Variants in HEBP2 observed in about 807,000 individuals in gnomAD.
HEBP2 encodes the protein heme-binding protein 2.
A neutral mutation model predicts 23.1 loss-of-function variants in HEBP2; 27 were observed. The observed-to-expected ratio is 1.17, with a 90% confidence interval of 0.86 to 1.61. The LOEUF is 1.61. Ranked by LOEUF, HEBP2 falls within the 40% of genes most tolerant of loss-of-function variation. The pLI is 0.00. For synonymous variants in HEBP2, 99 were observed against 95.1 expected, an observed-to-expected ratio of 1.04 and a Z score of -0.24; for missense variants, 245 against 253.8, an observed-to-expected ratio of 0.97 and a Z score of 0.24.
At position 138,416,675 on chromosome 6, in the gene HEBP2, T is replaced by C. The variant is rs1258533961; in HGVS notation, c.*3597T>C. ...ATCCTGTTAACCACTAAGCTCCAAA[T>C]GGCAGCCGAGGGGTCCTGACCTGTA... On this transcript the variant is annotated 3_prime_UTR_variant, in exon 4 of 4. Transcript: ENST00000607197. 1 of 152,194 alleles carries C rather than the reference T, an allele frequency of 6.6e-6. No homozygotes were observed. Among genetic ancestry groups the C allele is most frequent in the Non-Finnish European group, 1.5e-5 (1 of 68,070 alleles). 9.4% of individuals were successfully genotyped at this position (152,194 alleles called of 1,614,324 possible).
intron 3 of HEBP2, among the ~76,000 whole-genome samples, chr6:138,407,271 G>T (rs1163151013): frequency 6.6e-6 from 1 of 152,192 alleles, no homozygotes; most frequent in Non-Finnish European, 1.5e-5. Context: ...CTATGAACCT[G>T]TGAAATCAAA....
rs1774616147 is a variant in HEBP2, at chr6:138,405,035, C to T, written c.103-110C>T. 8.2e-6 allele frequency: 10 copies of T among 1,212,816 alleles called. No individual in the cohort carries two copies. In the South Asian group the frequency reaches 1.4e-4, roughly 17 times the overall value. The allele number at this position is 1,212,816 out of a possible 1,614,324, so 75.1% of individuals were successfully genotyped here. On this transcript the variant is annotated intron_variant, in intron 1 of 3. Coordinates refer to ENST00000607197, the MANE Select transcript of HEBP2 (RefSeq NM_014320.3). The stretch of plus-strand genomic sequence containing the variant: ...AGGCCGGACCCCGGGGCGGTGCAGC[C>T]CCTAGACAGGACGGCTCCAGGTCGA...
rs761547240 is a variant in HEBP2 at position 138,415,505 on chromosome 6, G to A, written c.*2427G>A. On this transcript the variant is annotated 3_prime_UTR_variant, in exon 4 of 4. Coordinates refer to ENST00000607197, the MANE Select transcript of HEBP2 (RefSeq NM_014320.3). ...GTGGATAAAAGAGACAAGGACAGTG[G>A]GCTTCCATGGTTATTGCTGAGTTGG... is the stretch of plus-strand genomic sequence containing the variant. 2.6e-5 allele frequency: 4 copies of A among 152,184 alleles called. No homozygotes were observed. The highest frequency in any genetic ancestry group is 4.4e-5 in the Non-Finnish European group (3 of 68,038). 9.4% of individuals were successfully genotyped at this position (152,184 alleles called of 1,614,324 possible). A position where few individuals can be genotyped will look rare whatever the true frequency, so the allele number is the denominator to read the frequency against.
In HEBP2 at chr6:138,420,567, A is replaced by G. The variant is rs1774906340; in HGVS notation, c.*7489A>G. On this transcript the variant is annotated 3_prime_UTR_variant, in exon 4 of 4. Coordinates refer to ENST00000607197, the MANE Select transcript of HEBP2 (RefSeq NM_014320.3). The stretch of plus-strand genomic sequence containing the variant: ...TTAGCTTTCAAGCTGAGGTCACGCT[A>G]TTCTCAAGACAGGAGGGGTTGGTGG... 2.0e-5 allele frequency: 3 copies of G among 152,304 alleles called. No homozygotes were observed. The highest frequency in any genetic ancestry group is 1.9e-4 in the East Asian group (1 of 5,180). 9.4% of individuals were successfully genotyped at this position (152,304 alleles called of 1,614,324 possible).
rs2114775185 is a variant in HEBP2, at chr6:138,413,851, A to G, written c.*773A>G. 1 of 140,164 alleles carries G rather than the reference A, an allele frequency of 7.1e-6. No individual in the cohort carries two copies. Among genetic ancestry groups the G allele is most frequent in the East Asian group, 1.9e-4 (1 of 5,178 alleles). The allele number at this position is 140,164 out of a possible 1,614,324, so 8.7% of individuals were successfully genotyped here. On this transcript the variant is annotated 3_prime_UTR_variant, in exon 4 of 4. Coordinates refer to ENST00000607197, the MANE Select transcript of HEBP2 (RefSeq NM_014320.3). ...ACTGACTTCCTCTTCACTAACTCCA[A>G]CAACATCTTTCCACCTCCTTAACTA... is the stretch of plus-strand genomic sequence containing the variant.
chr6:138,403,664 C>G (rs1023972328), upstream of HEBP2: 2 of 425,916 alleles, frequency 4.7e-6, no homozygotes, highest in Non-Finnish European at 8.4e-6. Context: ...TGCTGGGGAA[C>G]AGAGCCGCAC....
intron 3 of HEBP2, among the ~76,000 whole-genome samples, chr6:138,407,406 A>G (rs73570971): frequency 0.017 from 2,582 of 152,322 alleles, 65 homozygotes; most frequent in African/African-American, 0.058. Flanking sequence ...CTTCAGATTA[A>G]TTTTCTTTGA....
At chr6:138,404,734 A>G in intron 1 of HEBP2, 137 bp downstream of exon 1, 1 of 513,710 alleles carries the variant, frequency 1.9e-6, no homozygotes, top group Admixed American at 4.3e-5. Flanking sequence ...TGCTACGCAA[A>G]CGAGAAACCC....
intron 3 of HEBP2, among the ~76,000 whole-genome samples, chr6:138,410,516 T>C (rs1774727484): frequency 6.6e-6 from 1 of 151,690 alleles, no homozygotes; most frequent in Admixed American, 6.6e-5. Context: ...AGTTTCACTC[T>C]TGTTGCGCAA....
In HEBP2 at chr6:138,419,006, CTG is replaced by C. The variant is rs1583109159; in HGVS notation, c.*5930_*5931del. ...TGGAGTGAACACAGAAGTTGAAAAA[CTG>C]TATCACATGTTAATGCCCACTAGAT... On this transcript the variant is annotated 3_prime_UTR_variant, in exon 4 of 4. Transcript: ENST00000607197. 1.3e-5 allele frequency: 2 copies of C among 152,180 alleles called. No homozygotes were observed. Among genetic ancestry groups the C allele is most frequent in the South Asian group, 2.1e-4 (1 of 4,818 alleles). 9.4% of individuals were successfully genotyped at this position (152,180 alleles called of 1,614,324 possible).
intron 3 of HEBP2, among the ~76,000 whole-genome samples, chr6:138,407,416 A>T (rs1774667070): frequency 6.6e-6 from 1 of 152,220 alleles, no homozygotes; most frequent in African/African-American, 2.4e-5. Flanking sequence ...ATTTTCTTTG[A>T]CTCAAAGCTC....
intron 2 of HEBP2, 26 bp downstream of exon 2, chr6:138,405,306 T>C: frequency 6.2e-7 from 1 of 1,613,702 alleles, no homozygotes; most frequent in East Asian, 2.2e-5. Context: ...CTTGTAATTA[T>C]GCATATTGTG....
Position 138,405,951 on chromosome 6 carries a change from CT to C in HEBP2, c.239-17del, listed in dbSNP as rs756504939. ...AGCTGTCAAAAATACACTAAATTTG[CT>C]TTCATTTTTATGTCACAGAGATGAA... is the stretch of plus-strand genomic sequence containing the variant. On this transcript the variant is annotated intron_variant, in intron 2 of 3. Transcript: ENST00000607197. 4.4e-6 allele frequency: 7 copies of C among 1,598,702 alleles called. No individual in the cohort carries two copies. The African/African-American group carries it at 9.4e-5, about 22-fold the overall frequency.
rs529384306 is a variant in HEBP2 at position 138,420,400 on chromosome 6, T to A, written c.*7322T>A. ...CACTCTCTGCGTGTTTTTGGGAAAA[T>A]GGATCCACATAGGCAAGGGGTGGAC... On this transcript the variant is annotated 3_prime_UTR_variant, in exon 4 of 4. Transcript: ENST00000607197. 16 of 152,170 alleles carry A rather than the reference T, an allele frequency of 1.1e-4. No homozygotes were observed. The highest frequency in any genetic ancestry group is 3.9e-4 in the African/African-American group (16 of 41,500). 9.4% of individuals were successfully genotyped at this position (152,170 alleles called of 1,614,324 possible).
intron 3 of HEBP2, among the ~76,000 whole-genome samples, chr6:138,410,409 C>T (rs141544710): frequency 0.01 from 1,558 of 150,898 alleles, 24 homozygotes; most frequent in African/African-American, 0.036. Flanking sequence ...TCCTTTTAGG[C>T]AGAACATGCT....
chr6:138,411,072 C>G (rs1001355492), intron 3 of HEBP2, among the ~76,000 whole-genome samples: 1 of 152,168 alleles, frequency 6.6e-6, no homozygotes, highest in East Asian at 1.9e-4. Context: ...GATAACAGAA[C>G]TTATACCAAA....
intron 3 of HEBP2, among the ~76,000 whole-genome samples, chr6:138,406,800 G>A (rs1583102332): frequency 6.6e-6 from 1 of 152,292 alleles, no homozygotes; most frequent in East Asian, 1.9e-4. Context: ...GCTGAGGCAG[G>A]TGGATCACTT....
At position 138,404,438 on chromosome 6, in the gene HEBP2, G is replaced by A. The variant is rs1774597222; in HGVS notation, c.-58G>A. On this transcript the variant is annotated 5_prime_UTR_variant, in exon 1 of 4. Coordinates refer to ENST00000607197, the MANE Select transcript of HEBP2 (RefSeq NM_014320.3). Reference sequence around the variant, plus strand: ...GGGGCGCGCACACGCAGGCGGGGCGGCCCGGGGTGCGGGGCCTCTGCGCGG... The same window carrying A: ...GGGGCGCGCACACGCAGGCGGGGCGACCCGGGGTGCGGGGCCTCTGCGCGG... 1.8e-6 allele frequency: 2 copies of A among 1,133,870 alleles called. No homozygotes were observed. The highest frequency in any genetic ancestry group is 1.6e-5 in the African/African-American group (1 of 61,748). The allele number at this position is 1,133,870 out of a possible 1,614,324, so 70.2% of individuals were successfully genotyped here. A position where few individuals can be genotyped will look rare whatever the true frequency, so the allele number is the denominator to read the frequency against.
chr6:138,411,809 A>G (rs1055983102), intron 3 of HEBP2, among the ~76,000 whole-genome samples: 1 of 152,144 alleles, frequency 6.6e-6, no homozygotes, highest in African/African-American at 2.4e-5. Flanking sequence ...TTTTTAAAAA[A>G]TTAGTCCGAT....
Sources: gnomAD v4.1 joint callset for allele counts (sites outside exome capture counted in the v4.1 genomes callset) on GRCh38, gnomAD v4.1.1 for gene constraint, MANE v1.5 for transcripts, NCBI Gene and HGNC (gene_info 2026-07-23, HGNC 2026-07-21) for gene names.